Variants in PTPRG observed in about 807,000 individuals in gnomAD.
The protein encoded by PTPRG is receptor-type tyrosine-protein phosphatase gamma.
In PTPRG, 102 loss-of-function variants were observed where a neutral mutation model predicts 165.3. That is an observed-to-expected ratio of 0.62 (90% CI 0.53 to 0.73). The LOEUF is 0.73. Ranked by LOEUF, PTPRG falls within the 30% of genes least tolerant of loss-of-function variation. The pLI is 0.00. For missense variants in PTPRG, 1,866 were observed against 1,861.4 expected, an observed-to-expected ratio of 1.00 and a Z score of -0.05; for synonymous variants, 675 against 669.5, an observed-to-expected ratio of 1.01 and a Z score of -0.13.
intron 4 of PTPRG, among the ~76,000 whole-genome samples, chr3:62,020,198 AT>A (rs2041656631): frequency 6.6e-6 from 1 of 152,178 alleles, no homozygotes; most frequent in Non-Finnish European, 1.5e-5. Context: ...CACTTTGCAT[AT>A]TGTGAATATT....
chr3:62,008,404 C>G (rs2041344887), intron 4 of PTPRG, among the ~76,000 whole-genome samples: 1 of 152,144 alleles, frequency 6.6e-6, no homozygotes, highest in African/African-American at 2.4e-5. Flanking sequence ...TTAAATGATC[C>G]AAATTGATTG....
chr3:61,702,074 G>A lies in PTPRG; in HGVS notation c.86-46804G>A, dbSNP rs1490948399. ...GCTCACTGCAACCTCAGCCTTCTGG[G>A]TTCAAGTGATTCTCCTGCCTCAGCC... On this transcript the variant is annotated intron_variant, in intron 1 of 29. Transcript: ENST00000474889. 3.9e-5 allele frequency among the ~76,000 whole-genome samples: 6 copies of A among 152,286 alleles called. No individual in the cohort carries two copies. The East Asian group carries it at 1.2e-3, about 29-fold the overall frequency.
At chr3:62,089,203 T>C (rs1378251702) in intron 5 of PTPRG, among the ~76,000 whole-genome samples, 2 of 152,254 alleles carry the variant, frequency 1.3e-5, no homozygotes, top group Non-Finnish European at 2.9e-5. Context: ...CCAAAGCAGA[T>C]ATCATGTACA....
chr3:61,669,518 G>A (rs6791564), intron 1 of PTPRG, among the ~76,000 whole-genome samples: 39,951 of 151,974 alleles, frequency 0.26, 5,625 homozygotes, highest in African/African-American at 0.36. Context: ...AGACTTTACT[G>A]TCTCTGTTAA....
intron 2 of PTPRG, among the ~76,000 whole-genome samples, chr3:61,877,797 C>T (rs1313832647): frequency 6.6e-6 from 1 of 152,126 alleles, no homozygotes; most frequent in Non-Finnish European, 1.5e-5. Flanking sequence ...TATTTAAACT[C>T]TGAACAAACT....
chr3:62,149,833 C>T (rs1041550239), intron 6 of PTPRG, among the ~76,000 whole-genome samples: 3 of 152,176 alleles, frequency 2.0e-5, no homozygotes, highest in Non-Finnish European at 4.4e-5. Flanking sequence ...GCGGGATTAT[C>T]AATTGTACTT....
chr3:62,158,014 G>T (rs1704606322), intron 7 of PTPRG, among the ~76,000 whole-genome samples: 1 of 152,162 alleles, frequency 6.6e-6, no homozygotes, highest in Non-Finnish European at 1.5e-5. Flanking sequence ...GCCTGGGTTT[G>T]CCTGATTCCA....
At chr3:61,912,325 A>G (rs2038822630) in intron 2 of PTPRG, among the ~76,000 whole-genome samples, 2 of 152,152 alleles carry the variant, frequency 1.3e-5, no homozygotes, top group African/African-American at 4.8e-5. Flanking sequence ...GAACTAGCCC[A>G]CTGAGAAGGT....
chr3:61,698,417 A>G (rs1232854814), intron 1 of PTPRG, among the ~76,000 whole-genome samples: 2 of 152,108 alleles, frequency 1.3e-5, no homozygotes, highest in Admixed American at 6.6e-5. Context: ...GCATAAGTGA[A>G]TGGGTGTGGC....
chr3:62,051,531 T>G (rs1700468843), intron 4 of PTPRG, among the ~76,000 whole-genome samples: 1 of 152,204 alleles, frequency 6.6e-6, no homozygotes. Context: ...GTACCTAATT[T>G]GGAATAATTA....
chr3:62,169,124 G>A (rs892446779), intron 8 of PTPRG, among the ~76,000 whole-genome samples: 11 of 152,066 alleles, frequency 7.2e-5, no homozygotes, highest in African/African-American at 2.4e-4. Flanking sequence ...ACAGGATAGC[G>A]GGATATGGCG....
rs1559711837 is a variant in PTPRG, at chr3:62,254,841, T to C, written c.2468-283T>C. On this transcript the variant is annotated intron_variant, in intron 15 of 29. Transcript: ENST00000474889. The surrounding 1 kb of genome is among the most constrained non-coding windows in gnomAD (Gnocchi z 4.6). ...TTTAGTTAAGAGTATGCTATGGTAA[T>C]TTAACTATGTAAATTGCGTTGAATA... Among the ~76,000 whole-genome samples the C allele has an allele frequency of 6.6e-6, 1 of 152,134 alleles. No individual in the cohort carries two copies. Among genetic ancestry groups the C allele is most frequent in the Non-Finnish European group, 1.5e-5 (1 of 68,026 alleles).
At chr3:61,809,280 T>C (rs2035504800) in intron 2 of PTPRG, among the ~76,000 whole-genome samples, 1 of 151,724 alleles carries the variant, frequency 6.6e-6, no homozygotes, top group Admixed American at 6.6e-5. Flanking sequence ...ATACTAGAAG[T>C]AGGAAGGATT....
intron 5 of PTPRG, among the ~76,000 whole-genome samples, chr3:62,120,462 G>GAAATAAA (rs375785214): frequency 6.6e-6 from 1 of 151,778 alleles, no homozygotes; most frequent in Admixed American, 6.6e-5. Context: ...TAAAATAAAA[G>GAAATAAA]ATTGAAGGCC....
At chr3:61,853,691 A>T (rs1291322953) in intron 2 of PTPRG, among the ~76,000 whole-genome samples, 1 of 152,168 alleles carries the variant, frequency 6.6e-6, no homozygotes, top group Non-Finnish European at 1.5e-5. Context: ...TAACTTAGTG[A>T]GTTTTGGGGG....
intron 2 of PTPRG, among the ~76,000 whole-genome samples, chr3:61,774,030 C>G (rs1384430514): frequency 6.6e-6 from 1 of 152,180 alleles, no homozygotes; most frequent in Non-Finnish European, 1.5e-5. Context: ...CCGCCTCAGC[C>G]TCCCAAAGTG....
intron 12 of PTPRG, among the ~76,000 whole-genome samples, chr3:62,216,131 T>G (rs1243485748): frequency 2.0e-5 from 3 of 151,164 alleles, no homozygotes; most frequent in Non-Finnish European, 4.4e-5. Context: ...GGTGGGAGGA[T>G]CGCTTGAGCG....
chr3:61,902,323 T>G (rs1174441232), intron 2 of PTPRG, among the ~76,000 whole-genome samples: 1 of 152,202 alleles, frequency 6.6e-6, no homozygotes, highest in Non-Finnish European at 1.5e-5. Context: ...GTATGGTTCT[T>G]AATACCTCAG....
At chr3:62,146,145 T>A (rs1704112646) in intron 6 of PTPRG, among the ~76,000 whole-genome samples, 1 of 152,258 alleles carries the variant, frequency 6.6e-6, no homozygotes. Flanking sequence ...AATTTAAATG[T>A]CATGTTCATT....
Sources: allele counts gnomAD v4.1 joint callset (sites outside exome capture counted in the v4.1 genomes callset), GRCh38; gene constraint gnomAD v4.1.1; non-coding constraint Gnocchi (gnomAD v3.1); transcripts MANE v1.5; gene names NCBI Gene and HGNC (gene_info 2026-07-23, HGNC 2026-07-21).